CLSTN2: variants seen among roughly 807,000 people sequenced by gnomAD.
CLSTN2 encodes the protein calsyntenin 2.
A neutral mutation model predicts 101.2 loss-of-function variants in CLSTN2; 48 were observed. The ratio of observed to expected loss-of-function variants is 0.47; its 90% CI spans 0.38 to 0.60. The LOEUF (loss-of-function observed/expected upper bound fraction) is 0.60, where lower values mean the gene tolerates loss of function less well. Ranked by LOEUF, CLSTN2 falls within the 20% of genes least tolerant of loss-of-function variation. The pLI is 0.00. For synonymous variants in CLSTN2, 481 were observed against 463.6 expected, an observed-to-expected ratio of 1.04 and a Z score of -0.48; for missense variants, 1,160 against 1,238.2, an observed-to-expected ratio of 0.94 and a Z score of 0.95.
At position 140,549,163 on chromosome 3, in the gene CLSTN2, C is replaced by T. The variant is rs1245903607; in HGVS notation, c.1674+2482C>T. 2.4e-5 allele frequency among the ~76,000 whole-genome samples: 3 copies of T among 126,988 alleles called. No individual in the cohort carries two copies. In the South Asian group the frequency reaches 8.0e-4, roughly 34 times the overall value. The allele number at this position is 126,988 out of a possible 152,430, so 83.3% of individuals were successfully genotyped here. A position where few individuals can be genotyped will look rare whatever the true frequency, so the allele number is the denominator to read the frequency against. The stretch of plus-strand genomic sequence containing the variant: ...ATTCTAAATTTACTCTTTGCATCTG[C>T]GTAGATCTTCTCTGCTCTGAACTGT... On this transcript the variant is annotated intron_variant, in intron 10 of 16. Transcript: ENST00000458420.
intron 2 of CLSTN2, among the ~76,000 whole-genome samples, chr3:140,395,776 T>C (rs1338832620): frequency 6.6e-6 from 1 of 152,234 alleles, no homozygotes; most frequent in African/African-American, 2.4e-5. Context: ...TGACTAGAGA[T>C]GATCCCATGT....
chr3:140,413,208 C>T (rs1021445156), intron 4 of CLSTN2, among the ~76,000 whole-genome samples: 79 of 151,922 alleles, frequency 5.2e-4, no homozygotes, highest in African/African-American at 1.8e-3. Context: ...AAAGAGAAGA[C>T]ATTACAACTG....
intron 4 of CLSTN2, among the ~76,000 whole-genome samples, chr3:140,415,421 T>C (rs1050756728): frequency 3.4e-5 from 5 of 146,150 alleles, no homozygotes; most frequent in African/African-American, 1.3e-4. Context: ...GGGAAAATTA[T>C]TGGTAGACCA....
chr3:140,552,724 C>A (rs1461468632), intron 10 of CLSTN2, among the ~76,000 whole-genome samples: 1 of 152,172 alleles, frequency 6.6e-6, no homozygotes, highest in Non-Finnish European at 1.5e-5. Flanking sequence ...TCATCTACCT[C>A]ATGCTTTCGA....
intron 2 of CLSTN2, among the ~76,000 whole-genome samples, chr3:140,237,866 A>C (rs2086430375): frequency 6.6e-6 from 1 of 152,136 alleles, no homozygotes; most frequent in Admixed American, 6.5e-5. Flanking sequence ...AGGCACAGAG[A>C]GATTGAATAA....
At chr3:140,558,892 C>A in intron 12 of CLSTN2, 35 bp downstream of exon 12, 2 of 1,568,616 alleles carry the variant, frequency 1.3e-6, no homozygotes, top group Non-Finnish European at 1.7e-6. Flanking sequence ...GGAGGGTGGA[C>A]CTTAATTTTT....
chr3:140,452,722 G>T (rs561257185), intron 6 of CLSTN2: 1 of 152,216 alleles, frequency 6.6e-6, no homozygotes. Flanking sequence ...AGCATTGGAT[G>T]TCAGGCATAT....
intron 1 of CLSTN2, among the ~76,000 whole-genome samples, chr3:140,026,479 A>G (rs1180388296): frequency 6.6e-6 from 1 of 152,198 alleles, no homozygotes; most frequent in Non-Finnish European, 1.5e-5. Flanking sequence ...GCCCTCACAT[A>G]AAGTGCCATC....
intron 2 of CLSTN2, among the ~76,000 whole-genome samples, chr3:140,275,751 T>C (rs187636127): frequency 1.1e-3 from 162 of 152,186 alleles, no homozygotes; most frequent in Non-Finnish European, 1.8e-3. Flanking sequence ...CTCACTCCCT[T>C]GACACTCACC....
chr3:140,205,579 G>T (rs2010770082), intron 2 of CLSTN2, among the ~76,000 whole-genome samples: 2 of 150,310 alleles, frequency 1.3e-5, no homozygotes, highest in South Asian at 4.3e-4. Context: ...AGGTAAGGAG[G>T]ATTGAGGATT....
At chr3:140,359,406 A>G (rs183477700) in intron 2 of CLSTN2, among the ~76,000 whole-genome samples, 168 of 152,362 alleles carry the variant, frequency 1.1e-3, no homozygotes, top group Admixed American at 4.7e-3. Context: ...GAGTCAGCAT[A>G]AAAATAATTT....
At chr3:140,325,312 C>G (rs1318359058) in intron 2 of CLSTN2, among the ~76,000 whole-genome samples, 1 of 152,152 alleles carries the variant, frequency 6.6e-6, no homozygotes, top group Admixed American at 6.5e-5. Flanking sequence ...CAGTGGGTTC[C>G]CACAGCAGTG....
At chr3:140,435,215 C>T (rs1371777819) in intron 5 of CLSTN2, among the ~76,000 whole-genome samples, 2 of 152,166 alleles carry the variant, frequency 1.3e-5, no homozygotes, top group Non-Finnish European at 2.9e-5. Context: ...TACCAACCCC[C>T]TACCACCCTT....
chr3:140,239,224 C>T (rs573638777), intron 2 of CLSTN2, among the ~76,000 whole-genome samples: 18 of 152,234 alleles, frequency 1.2e-4, no homozygotes, highest in African/African-American at 3.9e-4. Flanking sequence ...AATTTTGATT[C>T]AGTCCAGACC....
At chr3:139,974,740 CT>C (rs1325222281) in intron 1 of CLSTN2, among the ~76,000 whole-genome samples, 1 of 152,182 alleles carries the variant, frequency 6.6e-6, no homozygotes, top group Non-Finnish European at 1.5e-5. Flanking sequence ...ATATTCTTCT[CT>C]TTCTAAATTG....
chr3:140,150,774 AG>A (rs2009852892), intron 1 of CLSTN2, among the ~76,000 whole-genome samples: 1 of 152,068 alleles, frequency 6.6e-6, no homozygotes, highest in African/African-American at 2.4e-5. Flanking sequence ...ATTGATCCCA[AG>A]GGGACACCTA....
intron 1 of CLSTN2, among the ~76,000 whole-genome samples, chr3:139,983,247 C>A (rs1446863152): frequency 6.6e-6 from 1 of 151,878 alleles, no homozygotes; most frequent in African/African-American, 2.4e-5. Flanking sequence ...AATTTCCACT[C>A]TTGTGGAAAT....
chr3:140,473,516 G>A (rs577109418), intron 8 of CLSTN2, among the ~76,000 whole-genome samples: 4 of 152,294 alleles, frequency 2.6e-5, no homozygotes, highest in East Asian at 3.9e-4. Flanking sequence ...GAGGGTAAGA[G>A]CCAGAAACAG....
intron 1 of CLSTN2, among the ~76,000 whole-genome samples, chr3:140,025,148 A>G (rs1198104836): frequency 6.6e-6 from 1 of 152,138 alleles, no homozygotes; most frequent in Non-Finnish European, 1.5e-5. Context: ...GTTTGTAAGA[A>G]CTTCAAAAGT....
Sources: gnomAD v4.1 joint callset for allele counts (sites outside exome capture counted in the v4.1 genomes callset) on GRCh38, gnomAD v4.1.1 for gene constraint, MANE v1.5 for transcripts, NCBI Gene and HGNC (gene_info 2026-07-23, HGNC 2026-07-21) for gene names.